The following ZNF678 variants were observed in gnomAD, a reference collection of about 807,000 sequenced individuals.
The protein encoded by ZNF678 is hypothetical protein MGC42493.
Under a neutral mutation model 3.0 loss-of-function variants are expected in ZNF678, and 5 were observed. The ratio of observed to expected loss-of-function variants is 1.69; its 90% CI spans 0.88 to 3.56. ZNF678 has a LOEUF of 3.56. ZNF678 is among the 30% of genes most tolerant of loss of function. The pLI, the probability that ZNF678 is intolerant of heterozygous loss-of-function variation, is 0.00. For synonymous variants in ZNF678, 218 were observed against 199.6 expected (o/e 1.09, Z -0.78); for missense variants, 593 against 605.0 (o/e 0.98, Z 0.21).
chr1:227,654,203 A>G (rs1332122728), intron 3 of ZNF678, 133 bp from the exon 4 acceptor site: 3 of 738,392 alleles, frequency 4.1e-6, no homozygotes, highest in African/African-American at 3.7e-5. Context: ...ATGTTCAAAA[A>G]GGAATCATGG....
At chr1:227,678,658 A>G (rs573411817), downstream of ZNF678, among the ~76,000 whole-genome samples, 7 of 152,178 alleles carry the variant, frequency 4.6e-5, no homozygotes, top group Non-Finnish European at 1.0e-4. Flanking sequence ...CTTTAGTCCA[A>G]TTGGCCATTC....
At chr1:227,649,779 C>T (rs1021024527) in intron 2 of ZNF678, among the ~76,000 whole-genome samples, 9 of 152,124 alleles carry the variant, frequency 5.9e-5, no homozygotes, top group African/African-American at 2.2e-4. Context: ...ATAGTCAGCC[C>T]TCTGATATAT....
chr1:227,591,490 G>T (rs1297888945), intron 1 of ZNF678, among the ~76,000 whole-genome samples: 1 of 152,090 alleles, frequency 6.6e-6, no homozygotes, highest in Non-Finnish European at 1.5e-5. Context: ...CTAATTAAGA[G>T]AACCACATCC....
chr1:227,660,010 C>T lies in ZNF678; in HGVS notation c.*4182C>T, dbSNP rs1357583975. On this transcript the variant is annotated 3_prime_UTR_variant, in exon 4 of 4. Transcript: ENST00000343776. ...CAGATAATTCTCTAAGCCCCCTTCT[C>T]CTAAAACTTCAGCATCTCTTAACCT... is the stretch of plus-strand genomic sequence containing the variant. 4 of 152,276 alleles carry T rather than the reference C, an allele frequency of 2.6e-5. No individual in the cohort carries two copies. The highest frequency in any genetic ancestry group is 1.9e-4 in the East Asian group (1 of 5,178). 9.4% of individuals were successfully genotyped at this position (152,276 alleles called of 1,614,324 possible).
chr1:227,586,665 A>G (rs562335724), intron 1 of ZNF678, among the ~76,000 whole-genome samples: 2 of 152,388 alleles, frequency 1.3e-5, no homozygotes, highest in Admixed American at 6.5e-5. Context: ...GATTATCACC[A>G]ACATTTAAAC....
intron 1 of ZNF678, among the ~76,000 whole-genome samples, chr1:227,580,799 G>A (rs1372721885): frequency 1.3e-5 from 2 of 151,998 alleles, no homozygotes; most frequent in African/African-American, 4.8e-5. Context: ...GCGTGGTGGT[G>A]CATGTCTGTA....
chr1:227,582,885 CA>C (rs1196009722), intron 1 of ZNF678, among the ~76,000 whole-genome samples: 7 of 151,946 alleles, frequency 4.6e-5, no homozygotes, highest in African/African-American at 4.8e-5. Context: ...ATAAGTTGGT[CA>C]TATATATTTT....
chr1:227,678,413 A>G (rs1169187886), downstream of ZNF678, among the ~76,000 whole-genome samples: 1 of 152,222 alleles, frequency 6.6e-6, no homozygotes, highest in Non-Finnish European at 1.5e-5. Flanking sequence ...TCCCAGAGCA[A>G]TATCCTTGTT....
At chr1:227,586,028 A>G (rs1001494672) in intron 1 of ZNF678, among the ~76,000 whole-genome samples, 5 of 152,096 alleles carry the variant, frequency 3.3e-5, no homozygotes, top group Non-Finnish European at 7.4e-5. Context: ...CTTTTCAGCA[A>G]TAAAAAATGA....
chr1:227,580,924 C>CAA (rs11350768), intron 1 of ZNF678, among the ~76,000 whole-genome samples: 1 of 129,788 alleles, frequency 7.7e-6, no homozygotes, highest in African/African-American at 2.9e-5. Context: ...AACTCCCTCT[C>CAA]AAAAAAAAAA....
rs116832502 is a variant in ZNF678, at chr1:227,626,706, G to A, written c.-163-19838G>A. Among the ~76,000 whole-genome samples, 609 of 152,144 alleles carry A rather than the reference G, an allele frequency of 4.0e-3. 6 individuals are homozygous for A. The highest frequency in any genetic ancestry group is 0.014 in the African/African-American group (561 of 41,490). ...AAACCATGCGAGGTGGGTTTCTTAG[G>A]TTAGCTTTTTTAGATGTCATTTGAG... On this transcript the variant is annotated intron_variant, in intron 1 of 3. Transcript: ENST00000343776.
intron 1 of ZNF678, among the ~76,000 whole-genome samples, chr1:227,583,451 A>C (rs1052700981): frequency 3.3e-5 from 5 of 149,306 alleles, no homozygotes; most frequent in Non-Finnish European, 7.4e-5. Flanking sequence ...TCCCAGGTTC[A>C]AGCAATTCTC....
chr1:227,583,896 C>T (rs1571864912), intron 1 of ZNF678, among the ~76,000 whole-genome samples: 1 of 152,122 alleles, frequency 6.6e-6, no homozygotes, highest in Non-Finnish European at 1.5e-5. Flanking sequence ...CTGTAGAGAT[C>T]AAACTAATAC....
At chr1:227,627,476 T>C (rs1384142977) in intron 1 of ZNF678, among the ~76,000 whole-genome samples, 2 of 152,122 alleles carry the variant, frequency 1.3e-5, no homozygotes, top group African/African-American at 4.8e-5. Flanking sequence ...GCAGTTCCCT[T>C]CTATTTCCCT....
intron 1 of ZNF678, among the ~76,000 whole-genome samples, chr1:227,635,515 T>TTGTGTGTGTGTG (rs56135481): frequency 0.028 from 3,535 of 127,966 alleles, 94 homozygotes; most frequent in Non-Finnish European, 0.03. Context: ...GGGTGAACAT[T>TTGTGTGTGTGTG]TGTGTGTGTG....
intron 1 of ZNF678, among the ~76,000 whole-genome samples, chr1:227,629,250 A>T (rs1300777297): frequency 2.6e-5 from 4 of 152,154 alleles, no homozygotes; most frequent in African/African-American, 9.7e-5. Context: ...CTTGAAGGGA[A>T]TGGGCATTCT....
chr1:227,565,054 C>CTTTT (rs56226010), intron 1 of ZNF678, among the ~76,000 whole-genome samples: 9 of 32,740 alleles, frequency 2.7e-4, no homozygotes, highest in Non-Finnish European at 3.2e-4. Context: ...CCCTACCCGG[C>CTTTT]TTTTTTTTTT....
At chr1:227,639,149 C>G (rs115673092) in intron 1 of ZNF678, among the ~76,000 whole-genome samples, 2,110 of 152,288 alleles carry the variant, frequency 0.014, 52 homozygotes, top group African/African-American at 0.048. Context: ...GTGGGGTCCT[C>G]TGCAGAGGGG....
rs140889013 is a variant in ZNF678 at position 227,660,562 on chromosome 1, C to G, written c.*4734C>G. On this transcript the variant is annotated 3_prime_UTR_variant, in exon 4 of 4. Transcript: ENST00000343776. ...GTTAGTGTATAGAAATGCTACTGAC[C>G]CTTATATCTTGATTTTGTATCCTGC... 855 of 151,792 alleles carry G rather than the reference C, an allele frequency of 5.6e-3. 8 individuals carry two copies. The highest frequency in any genetic ancestry group is 0.02 in the African/African-American group (822 of 41,408). 9.4% of individuals were successfully genotyped at this position (151,792 alleles called of 1,614,324 possible).
Sources: gnomAD v4.1 joint callset for allele counts (sites outside exome capture counted in the v4.1 genomes callset) on GRCh38, gnomAD v4.1.1 for gene constraint, MANE v1.5 for transcripts, NCBI Gene and HGNC (gene_info 2026-07-23, HGNC 2026-07-21) for gene names.